ZDHHC21: variants seen among roughly 807,000 people sequenced by gnomAD.
ZDHHC21 encodes palmitoyltransferase ZDHHC21.
In ZDHHC21, 15 loss-of-function variants were observed where a neutral mutation model predicts 34.6. The ratio of observed to expected loss-of-function variants is 0.43; its 90% CI spans 0.29 to 0.67. The LOEUF (loss-of-function observed/expected upper bound fraction) is 0.67. Among genes scored for constraint, ZDHHC21 ranks in the 30% least tolerant of loss-of-function variants. The probability of loss-of-function intolerance (pLI) is 0.14; values close to 1 mark genes in which losing one functional copy is unlikely to be tolerated. For missense variants in ZDHHC21, 344 were observed against 327.7 expected, an observed-to-expected ratio of 1.05 and a Z score of -0.38; for synonymous variants, 142 against 101.8, an observed-to-expected ratio of 1.40 and a Z score of -2.38.
rs1183446264 is a variant in ZDHHC21, at chr9:14,693,296, TGCCGCGCCACCTCC to T, written c.-306_-293del. The T allele has an allele frequency of 2.4e-6, 1 of 418,910 alleles. No individual in the cohort carries two copies. The highest frequency in any genetic ancestry group is 2.2e-5 in the African/African-American group (1 of 45,670). 25.9% of individuals were successfully genotyped at this position (418,910 alleles called of 1,614,324 possible). Reference sequence around the variant, plus strand: ...CGCCAGCAGCTCTTTCCCCTCCTCCTGCCGCGCCACCTCCGCCTCCTCCGGCGCCGCCGCCCAGG... The same window carrying T: ...CGCCAGCAGCTCTTTCCCCTCCTCCTGCCTCCTCCGGCGCCGCCGCCCAGG... On this transcript the variant is annotated 5_prime_UTR_variant, in exon 1 of 10. The change creates a premature stop within an existing upstream ORF in the 5' untranslated region. Coordinates refer to ENST00000380916, the MANE Select transcript of ZDHHC21 (RefSeq NM_178566.6).
chr9:14,623,536 A>G (rs1159406071), intron 8 of ZDHHC21, among the ~76,000 whole-genome samples: 3 of 151,962 alleles, frequency 2.0e-5, no homozygotes, highest in Non-Finnish European at 4.4e-5. Context: ...CTCTTAAAAA[A>G]AAAAATACAT....
intron 2 of ZDHHC21, among the ~76,000 whole-genome samples, chr9:14,688,805 T>C (rs1045063688): frequency 6.6e-6 from 1 of 152,152 alleles, no homozygotes; most frequent in Non-Finnish European, 1.5e-5. Context: ...GAGGTTGCAG[T>C]GAGCCGAGAT....
chr9:14,605,007 C>A, the ZDHHC21 span, among the ~76,000 whole-genome samples: 5 of 152,234 alleles, frequency 3.3e-5, no homozygotes, highest in East Asian at 9.7e-4. Context: ...AAAATGTTGT[C>A]AAGGTTCAAG....
intron 9 of ZDHHC21, among the ~76,000 whole-genome samples, 191 bp downstream of exon 9, chr9:14,619,448 T>C (rs1488258818): frequency 6.6e-6 from 1 of 152,112 alleles, no homozygotes; most frequent in Admixed American, 6.6e-5. Flanking sequence ...ATCAGCATTT[T>C]AGTGTGAAAA....
At chr9:14,684,992 A>C (rs1010575239) in intron 2 of ZDHHC21, among the ~76,000 whole-genome samples, 140 of 152,314 alleles carry the variant, frequency 9.2e-4, no homozygotes, top group African/African-American at 2.9e-3. Context: ...GGAAAACTGG[A>C]TAGCCATATG....
At chr9:14,692,855 G>A (rs1168275988) in intron 1 of ZDHHC21, among the ~76,000 whole-genome samples, 1 of 152,066 alleles carries the variant, frequency 6.6e-6, no homozygotes, top group Non-Finnish European at 1.5e-5. Flanking sequence ...GGTGCGGGGA[G>A]AGAAACTGTA....
chr9:14,622,436 A>T, intron 8 of ZDHHC21: 1 of 702,890 alleles, frequency 1.4e-6, no homozygotes, highest in Non-Finnish European at 1.7e-6. Flanking sequence ...CTAAGAGAAA[A>T]GGAGAAAGAG....
At chr9:14,652,226 A>T (rs181194023) in intron 7 of ZDHHC21, among the ~76,000 whole-genome samples, 83 of 151,970 alleles carry the variant, frequency 5.5e-4, no homozygotes, top group Non-Finnish European at 1.0e-3. Context: ...GAATTTGGGG[A>T]TTTTTTAAGT....
intron 2 of ZDHHC21, among the ~76,000 whole-genome samples, chr9:14,684,391 A>C (rs559268699): frequency 1.4e-4 from 21 of 150,122 alleles, no homozygotes; most frequent in Admixed American, 1.1e-3. Context: ...AATCACAAGC[A>C]TTCTTATACA....
chr9:14,635,860 C>G (rs1194268621), intron 8 of ZDHHC21, among the ~76,000 whole-genome samples: 1 of 151,960 alleles, frequency 6.6e-6, no homozygotes, highest in African/African-American at 2.4e-5. Context: ...GACTCTGTCT[C>G]AATTTTTTTA....
At position 14,670,994 on chromosome 9, in the gene ZDHHC21, GTAA is replaced by G. The variant is rs528044595; in HGVS notation, c.253+1833_253+1835del. Among the ~76,000 whole-genome samples the G allele has an allele frequency of 3.7e-3, 566 of 152,062 alleles. 1 individual carries two copies. Among genetic ancestry groups the G allele is most frequent in the Middle Eastern group, 6.8e-3 (2 of 294 alleles). Reference sequence around the variant, plus strand: ...GTCTAGTGATTTTTGTACTAGCCAAGTAATAATGTTTTTAAAAAGACTATGAGA... The same window carrying G: ...GTCTAGTGATTTTTGTACTAGCCAAGTAATGTTTTTAAAAAGACTATGAGA... On this transcript the variant is annotated intron_variant, in intron 5 of 9. Coordinates refer to ENST00000380916, the MANE Select transcript of ZDHHC21 (RefSeq NM_178566.6).
chr9:14,664,374 G>C (rs9722481), intron 5 of ZDHHC21, among the ~76,000 whole-genome samples: 10 of 150,280 alleles, frequency 6.7e-5, no homozygotes, highest in African/African-American at 2.2e-4. Context: ...ACGGAGTCTC[G>C]CTGATTGCTA....
At chr9:14,634,759 G>C (rs1827974638) in intron 8 of ZDHHC21, among the ~76,000 whole-genome samples, 1 of 152,062 alleles carries the variant, frequency 6.6e-6, no homozygotes, top group Admixed American at 6.6e-5. Context: ...CAGACGCATA[G>C]ATATCAACAT....
chr9:14,676,027 C>T (rs1426877009), intron 3 of ZDHHC21, among the ~76,000 whole-genome samples: 2 of 151,894 alleles, frequency 1.3e-5, no homozygotes, highest in African/African-American at 4.8e-5. Flanking sequence ...CATAAAGATG[C>T]CATGTTAGAA....
intron 8 of ZDHHC21, among the ~76,000 whole-genome samples, chr9:14,636,336 T>G (rs1002577018): frequency 6.6e-6 from 1 of 152,158 alleles, no homozygotes; most frequent in Non-Finnish European, 1.5e-5. Flanking sequence ...GACCATTATA[T>G]GAGATCAATT....
chr9:14,593,414 G>A, the ZDHHC21 span, among the ~76,000 whole-genome samples: 4 of 152,222 alleles, frequency 2.6e-5, no homozygotes, highest in East Asian at 5.8e-4. Context: ...CGAATTCCTA[G>A]AAAATACATA....
chr9:14,671,703 G>A (rs1368916120), intron 5 of ZDHHC21, among the ~76,000 whole-genome samples: 1 of 151,992 alleles, frequency 6.6e-6, no homozygotes, highest in African/African-American at 2.4e-5. Context: ...TGAAAAACTC[G>A]ATTAAAATGT....
At chr9:14,635,063 G>C (rs568031045) in intron 8 of ZDHHC21, among the ~76,000 whole-genome samples, 5 of 152,108 alleles carry the variant, frequency 3.3e-5, no homozygotes, top group Admixed American at 1.3e-4. Context: ...TTCGATAATA[G>C]AATAGATCAA....
At chr9:14,651,295 T>C (rs574885980) in intron 7 of ZDHHC21, among the ~76,000 whole-genome samples, 115 of 152,010 alleles carry the variant, frequency 7.6e-4, no homozygotes, top group Non-Finnish European at 1.1e-3. Context: ...TTTAGTATTT[T>C]TAAATATATT....
Sources: gnomAD v4.1 joint callset for allele counts (sites outside exome capture counted in the v4.1 genomes callset) on GRCh38, gnomAD v4.1.1 for gene constraint, MANE v1.5 for transcripts, NCBI Gene and HGNC (gene_info 2026-07-23, HGNC 2026-07-21) for gene names.